JAK1: variants seen among roughly 807,000 people sequenced by gnomAD.
The protein encoded by JAK1 is Janus kinase 1.
A neutral mutation model predicts 136.6 loss-of-function variants in JAK1; 16 were observed. The observed-to-expected ratio is 0.12, with a 90% CI of 0.08 to 0.18. The LOEUF is 0.18. Among genes scored for constraint, JAK1 ranks in the 10% least tolerant of loss-of-function variants. JAK1 has a pLI of 1.00. For missense variants in JAK1, 859 were observed against 1,450.1 expected (o/e 0.59, Z 6.62); for synonymous variants, 492 against 519.5 (o/e 0.95, Z 0.72).
chr1:64,895,486 G>C (rs1490475049), intron 1 of JAK1, among the ~76,000 whole-genome samples: 2 of 152,170 alleles, frequency 1.3e-5, no homozygotes, highest in Non-Finnish European at 2.9e-5. Context: ...ATATAAGAAA[G>C]TGAATATAAA....
intron 20 of JAK1, among the ~76,000 whole-genome samples, chr1:64,839,102 C>CCT (rs1654708667): frequency 7.2e-5 from 10 of 139,174 alleles, no homozygotes; most frequent in African/African-American, 2.5e-4. Flanking sequence ...GCCGAGATTG[C>CCT]GCCACTGCAG....
At chr1:64,913,406 T>A (rs895993297) in intron 1 of JAK1, among the ~76,000 whole-genome samples, 3 of 152,026 alleles carry the variant, frequency 2.0e-5, no homozygotes, top group African/African-American at 7.2e-5. Flanking sequence ...ATGGACTCAC[T>A]CAACACCATG....
chr1:64,991,688 C>T (rs898763216), intron 2 of JAK1: 1 of 152,112 alleles, frequency 6.6e-6, no homozygotes, highest in African/African-American at 2.4e-5. Flanking sequence ...TCTCTACGAC[C>T]AAAGAATCTA....
chr1:65,005,344 C>CAA (rs376032192), intron 2 of JAK1, among the ~76,000 whole-genome samples: 63 of 110,888 alleles, frequency 5.7e-4, no homozygotes, highest in African/African-American at 1.9e-3. Context: ...AACGCCATCT[C>CAA]AAAAAAAAAA....
At chr1:65,008,646 G>A (rs749683977) in intron 2 of JAK1, among the ~76,000 whole-genome samples, 31 of 140,170 alleles carry the variant, frequency 2.2e-4, no homozygotes, top group Non-Finnish European at 4.0e-4. Flanking sequence ...CTTCCCCTTC[G>A]CCTTCCTCTT....
At chr1:65,032,480 G>A (rs929833706) in intron 2 of JAK1, among the ~76,000 whole-genome samples, 14 of 151,942 alleles carry the variant, frequency 9.2e-5, no homozygotes, top group African/African-American at 2.4e-4. Context: ...TGCCAATTTC[G>A]TAAATGGAAA....
At chr1:64,995,975 G>A (rs2100735784) in intron 2 of JAK1, among the ~76,000 whole-genome samples, 1 of 152,226 alleles carries the variant, frequency 6.6e-6, no homozygotes, top group South Asian at 2.1e-4. Flanking sequence ...CTTGGCTCAG[G>A]CAATCCACCC....
At chr1:65,012,113 G>C (rs1346795853) in intron 2 of JAK1, among the ~76,000 whole-genome samples, 1 of 152,298 alleles carries the variant, frequency 6.6e-6, no homozygotes, top group African/African-American at 2.4e-5. Flanking sequence ...AGAGACAACA[G>C]CTCTGTCATG....
chr1:65,040,254 G>A (rs1470699222), intron 2 of JAK1, among the ~76,000 whole-genome samples: 2 of 151,536 alleles, frequency 1.3e-5, no homozygotes, highest in East Asian at 3.9e-4. Flanking sequence ...GGGCCTCAAA[G>A]GGCTAACATC....
chr1:64,857,767 G>A lies in JAK1; in HGVS notation c.1347C>T (p.Ala449=). The A allele has an allele frequency of 6.2e-7, 1 of 1,614,176 alleles. No homozygotes were observed. Among genetic ancestry groups the A allele is most frequent in the Non-Finnish European group, 8.5e-7 (1 of 1,180,036 alleles). The change falls in exon 10 of 25, where the codon GCC becomes GCT. Residue 449 remains alanine (A), a synonymous_variant. Coordinates refer to ENST00000342505, the MANE Select transcript of JAK1 (RefSeq NM_002227.4). ...GCHGPICTEY[A]INKLRQEGSE... is the part of the protein sequence containing the mutation. Reference sequence around the variant, plus strand: ...TTCCTTCTTGCCGCAATTTATTGATGGCGTATTCTGTACTAGAGGGAGAAG... The same window carrying A: ...TTCCTTCTTGCCGCAATTTATTGATAGCGTATTCTGTACTAGAGGGAGAAG...
chr1:65,065,419 G>T (rs1406938903), intron 1 of JAK1, among the ~76,000 whole-genome samples: 1 of 151,970 alleles, frequency 6.6e-6, no homozygotes, highest in Non-Finnish European at 1.5e-5. Context: ...CTGAGAAAAA[G>T]AAAAATGCCT....
chr1:65,033,632 A>G (rs1446738866), intron 2 of JAK1, among the ~76,000 whole-genome samples: 1 of 151,332 alleles, frequency 6.6e-6, no homozygotes, highest in African/African-American at 2.4e-5. Context: ...TCATGCCTGT[A>G]ATCCCAGTGC....
At chr1:64,854,497 C>G (rs1655798191) in intron 11 of JAK1, among the ~76,000 whole-genome samples, 1 of 152,190 alleles carries the variant, frequency 6.6e-6, no homozygotes, top group Non-Finnish European at 1.5e-5. Context: ...CCCTCTTTGA[C>G]GCTGACCTTT....
intron 8 of JAK1, 151 bp from the exon 9 acceptor site, chr1:64,860,413 T>A (rs917611475): frequency 2.6e-5 from 3 of 113,614 alleles, no homozygotes; most frequent in South Asian, 8.3e-4. Flanking sequence ...ATATACCCCT[T>A]GCATGCATTT....
chr1:64,922,573 T>C (rs1423163877), intron 1 of JAK1, among the ~76,000 whole-genome samples: 1 of 152,224 alleles, frequency 6.6e-6, no homozygotes, highest in Non-Finnish European at 1.5e-5. Flanking sequence ...ATTTAGGTTT[T>C]TGGTTAACCA....
upstream of JAK1, among the ~76,000 whole-genome samples, chr1:64,969,103 C>A (rs1306345144): frequency 1.3e-5 from 2 of 151,380 alleles, no homozygotes; most frequent in African/African-American, 4.9e-5. Flanking sequence ...GAGTGAGACC[C>A]CTTCTCTTAA....
chr1:64,917,644 C>T (rs190198825), intron 1 of JAK1, among the ~76,000 whole-genome samples: 262 of 152,260 alleles, frequency 1.7e-3, no homozygotes, highest in Admixed American at 3.0e-3. Flanking sequence ...TTTTCTTAAT[C>T]ATGCACTGAT....
chr1:64,863,011 G>A (rs1335445972), intron 8 of JAK1, among the ~76,000 whole-genome samples: 638 of 102,268 alleles, frequency 6.2e-3, no homozygotes, highest in Middle Eastern at 0.04. Flanking sequence ...GATGCAGCAT[G>A]TGACACGGGG....
At chr1:65,033,627 C>T (rs1255332463) in intron 2 of JAK1, among the ~76,000 whole-genome samples, 1 of 151,374 alleles carries the variant, frequency 6.6e-6, no homozygotes, top group Non-Finnish European at 1.5e-5. Flanking sequence ...CTGGCTCATG[C>T]CTGTAATCCC....
Sources: allele counts gnomAD v4.1 joint callset (sites outside exome capture counted in the v4.1 genomes callset), GRCh38; gene constraint gnomAD v4.1.1; transcripts MANE v1.5; gene names NCBI Gene and HGNC (gene_info 2026-07-23, HGNC 2026-07-21).